The following L3MBTL4 variants were observed in gnomAD, a reference collection of about 807,000 sequenced individuals.
The protein encoded by L3MBTL4 is lethal(3)malignant brain tumor-like protein 4.
L3MBTL4 carries 70 observed loss-of-function variants against 84.5 expected under a neutral mutation model. The ratio of observed to expected loss-of-function variants is 0.83; its 90% CI spans 0.68 to 1.01. The LOEUF is 1.01. Among genes scored for constraint, L3MBTL4 ranks in the 50% least tolerant of loss-of-function variants. The probability of loss-of-function intolerance (pLI) is 0.00; values close to 1 mark genes in which losing one functional copy is unlikely to be tolerated. For missense variants in L3MBTL4, 715 were observed against 754.8 expected (o/e 0.95, Z 0.62); for synonymous variants, 274 against 259.8 (o/e 1.05, Z -0.52).
intron 14 of L3MBTL4, among the ~76,000 whole-genome samples, chr18:6,117,525 T>G (rs747716008): frequency 9.9e-5 from 15 of 152,106 alleles, no homozygotes; most frequent in Non-Finnish European, 2.1e-4. Context: ...CCATCTTTGG[T>G]AGGAGGGCAG....
chr18:5,966,895 CTA>C (rs2052378547), intron 17 of L3MBTL4, among the ~76,000 whole-genome samples: 1 of 151,654 alleles, frequency 6.6e-6, no homozygotes, highest in African/African-American at 2.4e-5. Flanking sequence ...TTTTCTTCTT[CTA>C]TGTCTGATCT....
At chr18:6,108,977 TA>T (rs1219946266) in intron 14 of L3MBTL4, among the ~76,000 whole-genome samples, 7 of 152,194 alleles carry the variant, frequency 4.6e-5, no homozygotes, top group African/African-American at 1.7e-4. Flanking sequence ...CAAATATTGG[TA>T]TTCTCCAGGG....
Position 6,376,096 on chromosome 18 carries a change from C to A in L3MBTL4, c.-91+38705G>T, listed in dbSNP as rs536570995. ...GGTCTAGCCCCTCAAGCTCTCCGAC[C>A]CCACTGTCTCAGTCTGCTTTCTCCC... On this transcript the variant is annotated intron_variant, in intron 1 of 18. Coordinates refer to ENST00000317931, the MANE Select transcript of L3MBTL4 (RefSeq NM_001330559.2). Among the ~76,000 whole-genome samples the A allele has an allele frequency of 5.9e-5, 9 of 152,268 alleles. No homozygotes were observed. In the South Asian group the frequency reaches 1.9e-3, roughly 32 times the overall value.
intron 1 of L3MBTL4, chr18:6,397,235 C>T (rs1298017212): frequency 6.6e-6 from 1 of 152,172 alleles, no homozygotes; most frequent in Non-Finnish European, 1.5e-5. Flanking sequence ...AGTAAATGTA[C>T]TTCTCTGCAG....
At chr18:6,317,532 T>C (rs2051170409) in intron 1 of L3MBTL4, among the ~76,000 whole-genome samples, 1 of 152,068 alleles carries the variant, frequency 6.6e-6, no homozygotes, top group African/African-American at 2.4e-5. Context: ...AAGGCTTTTG[T>C]TCACCCAATC....
chr18:6,181,615 C>A (rs2044475781), intron 12 of L3MBTL4, among the ~76,000 whole-genome samples: 1 of 152,176 alleles, frequency 6.6e-6, no homozygotes, highest in Non-Finnish European at 1.5e-5. Flanking sequence ...CAGGTGTGAG[C>A]CACCACACCC....
At chr18:6,112,973 G>A (rs16949446) in intron 14 of L3MBTL4, among the ~76,000 whole-genome samples, 3,511 of 152,124 alleles carry the variant, frequency 0.023, 145 homozygotes, top group African/African-American at 0.08. Flanking sequence ...TATAGTGTCC[G>A]GGAATGCACA....
At chr18:6,231,693 CT>C (rs1409517787) in intron 10 of L3MBTL4, among the ~76,000 whole-genome samples, 1 of 152,082 alleles carries the variant, frequency 6.6e-6, no homozygotes, top group East Asian at 1.9e-4. Context: ...CTTAATTTCC[CT>C]TTCTGATTGT....
chr18:6,015,597 T>G (rs1423175999), intron 16 of L3MBTL4, among the ~76,000 whole-genome samples: 1 of 152,154 alleles, frequency 6.6e-6, no homozygotes, highest in Non-Finnish European at 1.5e-5. Flanking sequence ...CCAGTACTCT[T>G]TGCACCGAGC....
chr18:6,297,594 C>T (rs1203972576), intron 4 of L3MBTL4, among the ~76,000 whole-genome samples: 1 of 152,152 alleles, frequency 6.6e-6, no homozygotes, highest in Non-Finnish European at 1.5e-5. Context: ...ACAACACTCC[C>T]TATTTTACAA....
In L3MBTL4 at chr18:6,414,580, G is replaced by A. The variant is rs551095330; in HGVS notation, c.-91+221C>T. ...CAAGTGAGGCAGCGCCTCTCGCGGG[G>A]AGCCCGGCGCGCGCCCCGGCGGCGA... is the stretch of plus-strand genomic sequence containing the variant. On this transcript the variant is annotated intron_variant, in intron 1 of 18. Coordinates refer to ENST00000317931, the MANE Select transcript of L3MBTL4 (RefSeq NM_001330559.2). The surrounding 1 kb of genome is among the most constrained non-coding windows in gnomAD (Gnocchi z 5.4). 19 of 152,182 alleles carry A rather than the reference G, an allele frequency of 1.2e-4. No homozygotes were observed. Among genetic ancestry groups the A allele is most frequent in the Admixed American group, 7.2e-4 (11 of 15,294 alleles). 9.4% of individuals were successfully genotyped at this position (152,182 alleles called of 1,614,324 possible).
chr18:6,365,766 T>C (rs1181356444), intron 1 of L3MBTL4, among the ~76,000 whole-genome samples: 3 of 152,214 alleles, frequency 2.0e-5, no homozygotes, highest in African/African-American at 7.2e-5. Flanking sequence ...ACTGTATTGT[T>C]TGCAAGCAAA....
chr18:6,054,852 G>A (rs1358888419), intron 16 of L3MBTL4, among the ~76,000 whole-genome samples: 1 of 152,206 alleles, frequency 6.6e-6, no homozygotes, highest in African/African-American at 2.4e-5. Flanking sequence ...GCCCCTGCAT[G>A]GCCAGGGAGG....
intron 4 of L3MBTL4, among the ~76,000 whole-genome samples, chr18:6,271,334 C>T (rs2048859322): frequency 6.6e-6 from 1 of 152,064 alleles, no homozygotes; most frequent in African/African-American, 2.4e-5. Context: ...ATTATAGTAT[C>T]ACTTTGTACA....
chr18:6,359,056 A>G (rs953927053), intron 1 of L3MBTL4, among the ~76,000 whole-genome samples: 13 of 152,258 alleles, frequency 8.5e-5, no homozygotes, highest in Non-Finnish European at 1.3e-4. Flanking sequence ...TTCATAGCCC[A>G]GACCTGCAAC....
At chr18:6,391,696 G>A (rs1247607139) in intron 1 of L3MBTL4, among the ~76,000 whole-genome samples, 1 of 151,320 alleles carries the variant, frequency 6.6e-6, no homozygotes, top group Non-Finnish European at 1.5e-5. Flanking sequence ...CAATGACCAA[G>A]CCGAGACTCA....
At chr18:5,958,977 GGCCAACTAT>G (rs1484980762) in intron 18 of L3MBTL4, among the ~76,000 whole-genome samples, 1 of 152,122 alleles carries the variant, frequency 6.6e-6, no homozygotes. Context: ...GTGTGAACGT[GGCCAACTAT>G]GCCCAAGCCA....
At chr18:6,045,490 C>G (rs1248731263) in intron 16 of L3MBTL4, among the ~76,000 whole-genome samples, 1 of 152,108 alleles carries the variant, frequency 6.6e-6, no homozygotes, top group Non-Finnish European at 1.5e-5. Context: ...GCTGGGGAGG[C>G]CTCATAATTA....
chr18:6,105,441 C>G (rs181388412), intron 14 of L3MBTL4, among the ~76,000 whole-genome samples: 2 of 151,540 alleles, frequency 1.3e-5, no homozygotes, highest in African/African-American at 4.8e-5. Context: ...TCTCCTGCCT[C>G]GATCTCCCGA....
Sources: gnomAD v4.1 joint callset for allele counts (sites outside exome capture counted in the v4.1 genomes callset) on GRCh38, gnomAD v4.1.1 for gene constraint, Gnocchi (gnomAD v3.1) non-coding constraint, MANE v1.5 for transcripts, NCBI Gene and HGNC (gene_info 2026-07-23, HGNC 2026-07-21) for gene names.